Variants in ART5 observed in about 807,000 individuals in gnomAD.
ART5 encodes ecto-ADP-ribosyltransferase 5.
Under a neutral mutation model 25.0 loss-of-function variants are expected in ART5, and 22 were observed. The ratio of observed to expected loss-of-function variants is 0.88; its 90% CI spans 0.63 to 1.26. The LOEUF is 1.26. Ranked by LOEUF, ART5 falls within the 50% of genes most tolerant of loss-of-function variation. ART5 has a pLI of 0.00. For missense variants in ART5, 402 were observed against 372.8 expected, an observed-to-expected ratio of 1.08 and a Z score of -0.64; for synonymous variants, 161 against 154.8, an observed-to-expected ratio of 1.04 and a Z score of -0.30.
upstream of ART5, chr11:3,642,036 C>A: frequency 1.4e-6 from 2 of 1,428,810 alleles, no homozygotes; most frequent in Non-Finnish European, 1.8e-6. Context: ...GTTTATTGCC[C>A]GCCCCCCGCC....
rs750561021 is a variant in ART5, at chr11:3,640,004, T to A, written c.425A>T (p.Gln142Leu). Residue 142 changes from glutamine (Q) to leucine (L), a missense_variant, in exon 2 of 4, where the codon CAG (glutamine) becomes CTG (leucine). Physicochemically the swap from Gln to Leu is moderately radical, Grantham distance 113 (BLOSUM62 -2). Transcript: ENST00000397068. ...ALHFYLIRAL[Q>L]LLRGSGGCSR... is the part of the protein sequence containing the mutation. ...GCAGCCCCCACTGCCTCGCAGCAGC[T>A]GCAGGGCCCGGATCAGGTAGAAATG... 2 of 1,614,022 alleles carry A rather than the reference T, an allele frequency of 1.2e-6. No homozygotes were observed. The highest frequency in any genetic ancestry group is 8.5e-7 in the Non-Finnish European group (1 of 1,180,048).
At chr11:3,638,880 A>G in intron 3 of ART5, 87 bp from the exon 4 acceptor site, 1 of 1,612,460 alleles carries the variant, frequency 6.2e-7, no homozygotes, top group Non-Finnish European at 8.5e-7. Context: ...CCAGGGGGGC[A>G]GAGAGGAGGC....
chr11:3,640,567 CTTTTTTTTT>C (rs33933264), intron 1 of ART5, among the ~76,000 whole-genome samples, 196 bp from the exon 2 acceptor site: 4 of 126,908 alleles, frequency 3.2e-5, no homozygotes, highest in Non-Finnish European at 5.0e-5. Flanking sequence ...GGACTGAAAT[CTTTTTTTTT>C]TTTTTTTTTT....
At chr11:3,640,524 T>C (rs1225202853) in intron 1 of ART5, among the ~76,000 whole-genome samples, 153 bp from the exon 2 acceptor site, 2 of 151,806 alleles carry the variant, frequency 1.3e-5, no homozygotes, top group Non-Finnish European at 2.9e-5. Context: ...ATAAGAGGCT[T>C]AAATAACACA....
chr11:3,639,831 A>G lies in ART5; in HGVS notation c.598T>C (p.Phe200Leu), dbSNP rs1238049580. 3.7e-6 allele frequency: 6 copies of G among 1,614,118 alleles called. No individual in the cohort carries two copies. The highest frequency in any genetic ancestry group is 5.1e-6 in the Non-Finnish European group (6 of 1,180,050). Residue 200 changes from phenylalanine to leucine, a missense_variant, in exon 2 of 4, where the codon TTC (phenylalanine) becomes CTC (leucine). By Grantham distance (22) the Phe-to-Leu change is conservative. Coordinates refer to ENST00000397068, the MANE Select transcript of ART5 (RefSeq NM_053017.5). ...VAHRFGNATL[F>L]SLTTCFGAPI... ...GCCCCAAAGCAAGTTGTTAGAGAGA[A>G]GAGGGTGGCATTACCAAATCTGTGG...
chr11:3,639,514 CT>C lies in ART5; in HGVS notation c.787+127del, dbSNP rs969321556. 31 of 1,376,304 alleles carry C rather than the reference CT, an allele frequency of 2.3e-5. 1 individual carries two copies. In the African/African-American group the frequency reaches 3.6e-4, roughly 16 times the overall value. The allele number at this position is 1,376,304 out of a possible 1,614,324, so 85.3% of individuals were successfully genotyped here. The stretch of plus-strand genomic sequence containing the variant: ...GAGTCACAGAGGACAGCAACTCCAG[CT>C]GACTTCCAGCCCTCATTTCCCCTTT... On this transcript the variant is annotated intron_variant, in intron 2 of 3. Coordinates refer to ENST00000397068, the MANE Select transcript of ART5 (RefSeq NM_053017.5).
In ART5 at chr11:3,641,888, G is replaced by C; in HGVS notation, c.-26C>G. 4 of 1,557,834 alleles carry C rather than the reference G, an allele frequency of 2.6e-6. No homozygotes were observed. Among genetic ancestry groups the C allele is most frequent in the Non-Finnish European group, 3.5e-6 (4 of 1,153,264 alleles). ...CCCTGGAGGAGACGTGAGGGCCAGG[G>C]GTCCGGGTGAGGGCGGGACCAGAGG... On this transcript the variant is annotated 5_prime_UTR_variant, in exon 1 of 4. Transcript: ENST00000397068.
At chr11:3,640,665 G>A (rs1254584567) in intron 1 of ART5, among the ~76,000 whole-genome samples, 7 of 151,728 alleles carry the variant, frequency 4.6e-5, no homozygotes, top group Non-Finnish European at 7.4e-5. Context: ...CACCTCCCAG[G>A]TTGGAGTGAT....
upstream of ART5, chr11:3,642,079 T>G (rs1650426463): frequency 5.0e-6 from 7 of 1,408,162 alleles, no homozygotes; most frequent in Admixed American, 2.9e-5. Flanking sequence ...CCACACCCCT[T>G]CCTCAGAGCC....
upstream of ART5, chr11:3,642,160 C>CG (rs941706306): frequency 1.8e-4 from 219 of 1,245,458 alleles, no homozygotes; most frequent in Non-Finnish European, 2.1e-4. Flanking sequence ...AGGGGAGGGC[C>CG]GGGGGCGGAG....
At chr11:3,638,930 G>A (rs1264800532) in intron 3 of ART5, 73 bp downstream of exon 3, 1 of 1,584,156 alleles carries the variant, frequency 6.3e-7, no homozygotes, top group Admixed American at 1.8e-5. Context: ...CTGCTGAAGG[G>A]AAAAGAGGAG....
Position 3,639,048 on chromosome 11 carries a change from G to T in ART5, c.788-13C>A. The T allele has an allele frequency of 6.4e-7, 1 of 1,551,210 alleles. No homozygotes were observed. The highest frequency in any genetic ancestry group is 8.7e-7 in the Non-Finnish European group (1 of 1,147,570). The stretch of plus-strand genomic sequence containing the variant: ...CGCCTCTTCTCCCCTGCAACAGACA[G>T]CAGGGTGAGGCCTCCGCGTGGACAG... On this transcript the variant is annotated splice_polypyrimidine_tract_variant and intron_variant, in intron 2 of 3. Coordinates refer to ENST00000397068, the MANE Select transcript of ART5 (RefSeq NM_053017.5).
At chr11:3,641,439 C>T (rs1209293550) in intron 1 of ART5, among the ~76,000 whole-genome samples, 1 of 152,228 alleles carries the variant, frequency 6.6e-6, no homozygotes, top group Non-Finnish European at 1.5e-5. Context: ...TCCTCCCCTG[C>T]TCTGTACCCA....
chr11:3,642,015 G>A (rs998539412), upstream of ART5: 1 of 1,446,918 alleles, frequency 6.9e-7, no homozygotes, highest in Non-Finnish European at 9.1e-7. Flanking sequence ...GGGCGTGGGC[G>A]GGGCCTGGGA....
Position 3,638,522 on chromosome 11 carries a change from A to G in ART5, c.*216T>C. 1 of 611,572 alleles carries G rather than the reference A, an allele frequency of 1.6e-6. No homozygotes were observed. Among genetic ancestry groups the G allele is most frequent in the Non-Finnish European group, 2.9e-6 (1 of 344,714 alleles). 37.9% of individuals were successfully genotyped at this position (611,572 alleles called of 1,614,324 possible). On this transcript the variant is annotated 3_prime_UTR_variant, in exon 4 of 4. Transcript: ENST00000397068. ...ATAAAATTCCATGTCTCCACACTGC[A>G]ATACCATTTAATCACGTAGCTACCT...
chr11:3,640,341 G>C lies in ART5; in HGVS notation c.88C>G (p.Leu30Val), dbSNP rs1396550307. ...GTATCGTCAAAGGTGTCTGGAGCCA[G>C]GCCCAGGGGCAGGATGGGAACAGCC... is the stretch of plus-strand genomic sequence containing the variant. ...AQAVPILPLG[L>V]APDTFDDTYV... Residue 30 changes from leucine to valine, a missense_variant, in exon 2 of 4, where the codon CTG (leucine) becomes GTG (valine). Leu to Val is a conservative substitution (Grantham distance 32). Coordinates refer to ENST00000397068, the MANE Select transcript of ART5 (RefSeq NM_053017.5). 19 of 1,487,068 alleles carry C rather than the reference G, an allele frequency of 1.3e-5. 1 individual carries two copies. The South Asian group carries it at 2.0e-4, about 15-fold the overall frequency. The allele number at this position is 1,487,068 out of a possible 1,614,324, so 92.1% of individuals were successfully genotyped here. A position where few individuals can be genotyped will look rare whatever the true frequency, so the allele number is the denominator to read the frequency against.
intron 3 of ART5, 80 bp from the exon 4 acceptor site, chr11:3,638,873 G>T (rs2271587): frequency 0.031 from 49,937 of 1,612,988 alleles, 1,266 homozygotes; most frequent in African/African-American, 0.12. Flanking sequence ...GAGTCTTCCA[G>T]GGGGGCAGAG....
In ART5 at chr11:3,641,927, G is replaced by C; in HGVS notation, c.-65C>G. 5 of 1,541,092 alleles carry C rather than the reference G, an allele frequency of 3.2e-6. No individual in the cohort carries two copies. The South Asian group carries it at 6.0e-5, about 18-fold the overall frequency. On this transcript the variant is annotated 5_prime_UTR_variant, in exon 1 of 4. Coordinates refer to ENST00000397068, the MANE Select transcript of ART5 (RefSeq NM_053017.5). ...CGGGACCAGAGGTGCTGGAGTCCTG[G>C]TTTCGAGGGGCTGGAGGCAGATCTG...
At chr11:3,642,210 G>T (rs149304187), upstream of ART5, 8 of 1,155,034 alleles carry the variant, frequency 6.9e-6, 1 homozygote, top group South Asian at 5.6e-5. Context: ...GCGGGAGGGA[G>T]CGCCGAGGGC....
Sources: allele counts gnomAD v4.1 joint callset (sites outside exome capture counted in the v4.1 genomes callset), GRCh38; gene constraint gnomAD v4.1.1; transcripts MANE v1.5; gene names NCBI Gene and HGNC (gene_info 2026-07-23, HGNC 2026-07-21).